CPAP: variants seen among roughly 807,000 people sequenced by gnomAD.
CPAP encodes centrosome assembly and centriole elongation protein.
chr13:24,889,614 T>C, the CPAP span, among the ~76,000 whole-genome samples: 1 of 152,052 alleles, frequency 6.6e-6, no homozygotes, highest in African/African-American at 2.4e-5. Flanking sequence ...TTGACAAACA[T>C]TCATTCAAGT....
chr13:24,912,045 G>A, the CPAP span: 45 of 1,613,530 alleles, frequency 2.8e-5, no homozygotes, highest in Non-Finnish European at 3.8e-5. Context: ...AATTGTTCCT[G>A]CTTCTTCTGT....
the CPAP span, among the ~76,000 whole-genome samples, chr13:24,919,093 G>GTAAA: frequency 6.6e-6 from 1 of 151,792 alleles, no homozygotes; most frequent in Non-Finnish European, 1.5e-5. Context: ...TGAAGAGGAG[G>GTAAA]TAAATAGGTT....
chr13:24,910,244 G>A, the CPAP span, among the ~76,000 whole-genome samples: 209 of 152,224 alleles, frequency 1.4e-3, no homozygotes, highest in African/African-American at 4.7e-3. Context: ...TTGATTGTTT[G>A]AGACAGTCTC....
At chr13:24,916,432 G>C in the CPAP span, among the ~76,000 whole-genome samples, 2 of 152,072 alleles carry the variant, frequency 1.3e-5, no homozygotes, top group Non-Finnish European at 2.9e-5. Context: ...AAGAAATACA[G>C]ATGCCAAAAC....
chr13:24,925,446 C>G, the CPAP span, among the ~76,000 whole-genome samples: 1 of 152,116 alleles, frequency 6.6e-6, no homozygotes, highest in Non-Finnish European at 1.5e-5. Flanking sequence ...TAATTTGAGC[C>G]TAGACGTTTG....
chr13:24,910,171 G>T, the CPAP span: 6 of 1,208,458 alleles, frequency 5.0e-6, no homozygotes, highest in Non-Finnish European at 7.3e-6. Context: ...ACCCCACAAA[G>T]ACTTCTCCAC....
chr13:24,893,844 G>A, the CPAP span, among the ~76,000 whole-genome samples: 734 of 152,336 alleles, frequency 4.8e-3, 7 homozygotes, highest in African/African-American at 0.017. Flanking sequence ...ATCAGGCACT[G>A]TCACAGGCCC....
At chr13:24,932,809 G>C in the CPAP span, among the ~76,000 whole-genome samples, 1 of 152,192 alleles carries the variant, frequency 6.6e-6, no homozygotes, top group South Asian at 2.1e-4. Context: ...AGCCACAAAA[G>C]CTAGAAATCA....
At chr13:24,892,091 G>C in the CPAP span, among the ~76,000 whole-genome samples, 1 of 152,294 alleles carries the variant, frequency 6.6e-6, no homozygotes, top group African/African-American at 2.4e-5. Context: ...TGGAATGTAA[G>C]CTTCATAAGG....
the CPAP span, among the ~76,000 whole-genome samples, chr13:24,888,260 A>T: frequency 2.0e-5 from 3 of 147,060 alleles, no homozygotes; most frequent in Non-Finnish European, 4.4e-5. Flanking sequence ...AACATACATT[A>T]AAAAAAACAC....
the CPAP span, among the ~76,000 whole-genome samples, chr13:24,898,545 T>C: frequency 6.6e-6 from 1 of 152,244 alleles, no homozygotes. Context: ...ATAAAAGTTT[T>C]AATATTGTCA....
the CPAP span, among the ~76,000 whole-genome samples, chr13:24,916,929 G>C: frequency 6.6e-6 from 1 of 152,166 alleles, no homozygotes; most frequent in Admixed American, 6.5e-5. Flanking sequence ...GTGCACAGTA[G>C]TGTGTATTAT....
At chr13:24,913,549 G>T in the CPAP span, among the ~76,000 whole-genome samples, 1 of 152,144 alleles carries the variant, frequency 6.6e-6, no homozygotes, top group Non-Finnish European at 1.5e-5. Flanking sequence ...TTACCTGGCA[G>T]TTTCACCTGT....
chr13:24,902,649 A>C, the CPAP span, among the ~76,000 whole-genome samples: 1 of 152,220 alleles, frequency 6.6e-6, no homozygotes, highest in Non-Finnish European at 1.5e-5. Flanking sequence ...AAGAGATGTT[A>C]AGGAAGATGG....
At chr13:24,905,360 T>G in the CPAP span, 1 of 1,614,128 alleles carries the variant, frequency 6.2e-7, no homozygotes, top group Non-Finnish European at 8.5e-7. Context: ...TGGTTGGTCT[T>G]GACTTATGTT....
At chr13:24,928,086 C>T in the CPAP span, among the ~76,000 whole-genome samples, 2 of 152,202 alleles carry the variant, frequency 1.3e-5, no homozygotes, top group African/African-American at 2.4e-5. Flanking sequence ...TCCAGGCTTT[C>T]AGCATTATGT....
chr13:24,920,239 T>C, the CPAP span, among the ~76,000 whole-genome samples: 1 of 152,240 alleles, frequency 6.6e-6, no homozygotes, highest in Admixed American at 6.5e-5. Flanking sequence ...AATCCACGAA[T>C]AGTATCATGA....
the CPAP span, among the ~76,000 whole-genome samples, chr13:24,926,455 A>G: frequency 1.3e-5 from 2 of 152,166 alleles, no homozygotes; most frequent in African/African-American, 4.8e-5. Flanking sequence ...AATCTTAAAT[A>G]ACATCATGCA....
the CPAP span, chr13:24,904,096 G>A: frequency 6.2e-7 from 1 of 1,610,984 alleles, no homozygotes; most frequent in Non-Finnish European, 8.5e-7. Flanking sequence ...TTCAAAAAAG[G>A]CATTACTGCA....
Sources: gnomAD v4.1 joint callset for allele counts (sites outside exome capture counted in the v4.1 genomes callset) on GRCh38, gnomAD v4.1.1 for gene constraint, MANE v1.5 for transcripts, NCBI Gene and HGNC (gene_info 2026-07-23, HGNC 2026-07-21) for gene names.